DPYSL5: variants seen among roughly 807,000 people sequenced by gnomAD.
DPYSL5 encodes the protein dihydropyrimidinase like 5.
In DPYSL5, 9 loss-of-function variants were observed where a neutral mutation model predicts 58.4. That is an observed-to-expected ratio of 0.15 (90% CI 0.09 to 0.27). The LOEUF (loss-of-function observed/expected upper bound fraction) is 0.27, where lower values mean the gene tolerates loss of function less well. DPYSL5 is among the 10% of genes least tolerant of loss of function. The probability of loss-of-function intolerance (pLI) is 1.00; values close to 1 mark genes in which losing one functional copy is unlikely to be tolerated. For synonymous variants in DPYSL5, 293 were observed against 301.9 expected (o/e 0.97, Z 0.31); for missense variants, 499 against 770.6 (o/e 0.65, Z 4.17).
intron 2 of DPYSL5, among the ~76,000 whole-genome samples, chr2:26,909,900 A>T (rs1366081631): frequency 6.6e-6 from 1 of 152,238 alleles, no homozygotes; most frequent in Non-Finnish European, 1.5e-5. Flanking sequence ...ATGTTTGATA[A>T]GCTGCACATT....
rs190899438 is a variant in DPYSL5 at position 26,917,452 on chromosome 2, G to A, written c.262-7435G>A. On this transcript the variant is annotated intron_variant, in intron 2 of 12. Transcript: ENST00000288699. The stretch of plus-strand genomic sequence containing the variant: ...CCAGAGGGACAGAGAGTGGGGCCTC[G>A]GAGAACAAATCATGCATCTCTCGGA... Among the ~76,000 whole-genome samples, 118 of 152,228 alleles carry A rather than the reference G, an allele frequency of 7.8e-4. 3 individuals carry two copies. In the East Asian group the frequency reaches 0.019, roughly 25 times the overall value.
At chr2:26,904,941 G>A (rs553837851) in intron 2 of DPYSL5, among the ~76,000 whole-genome samples, 2 of 152,234 alleles carry the variant, frequency 1.3e-5, no homozygotes, top group South Asian at 4.1e-4. Flanking sequence ...GGTTGCATGA[G>A]TAGCCCACAT....
intron 1 of DPYSL5, among the ~76,000 whole-genome samples, chr2:26,875,323 G>T (rs1488513778): frequency 1.3e-5 from 2 of 152,214 alleles, no homozygotes; most frequent in Non-Finnish European, 2.9e-5. Context: ...GGCATGTGGG[G>T]TGAAAACAGG....
At chr2:26,945,281 C>T (rs945742721) in intron 12 of DPYSL5, among the ~76,000 whole-genome samples, 8 of 150,800 alleles carry the variant, frequency 5.3e-5, no homozygotes, top group African/African-American at 2.0e-4. Context: ...CACCTTTCCC[C>T]GCCTTTGCCT....
intron 1 of DPYSL5, among the ~76,000 whole-genome samples, chr2:26,876,818 G>A (rs548388796): frequency 3.1e-4 from 46 of 150,012 alleles, no homozygotes; most frequent in African/African-American, 1.1e-3. Flanking sequence ...GCCCGGCCAT[G>A]ATGTCCAGAT....
chr2:26,902,415 C>G (rs1243319422), intron 2 of DPYSL5, among the ~76,000 whole-genome samples: 1 of 152,076 alleles, frequency 6.6e-6, no homozygotes, highest in Non-Finnish European at 1.5e-5. Flanking sequence ...AAACTACAAG[C>G]ATTCATAAGC....
In DPYSL5 at chr2:26,940,153, T is replaced by C. The variant is rs766238357; in HGVS notation, c.1070T>C (p.Val357Ala). Residue 357 changes from valine (V) to alanine (A), a missense_variant, in exon 9 of 13, where the codon GTC (valine) becomes GCC (alanine). By Grantham distance (64) the Val-to-Ala change is moderately conservative (BLOSUM62 0). Transcript: ENST00000288699. Reference sequence around the variant, plus strand: ...AGTGGCGTGCAGGACCGCATGAGCGTCATCTGGGAGAGAGGAGTGGTATGT... The same window carrying C: ...AGTGGCGTGCAGGACCGCATGAGCGCCATCTGGGAGAGAGGAGTGGTATGT... ...GVSGVQDRMSVIWERGVVGGK... is the reference protein window; with the variant it reads ...GVSGVQDRMSAIWERGVVGGK... 21 of 1,614,092 alleles carry C rather than the reference T, an allele frequency of 1.3e-5. No individual in the cohort carries two copies. Among genetic ancestry groups the C allele is most frequent in the Non-Finnish European group, 1.7e-5 (20 of 1,180,020 alleles).
At chr2:26,855,092 A>G (rs1280141939) in intron 1 of DPYSL5, among the ~76,000 whole-genome samples, 1 of 151,662 alleles carries the variant, frequency 6.6e-6, no homozygotes, top group South Asian at 2.1e-4. Flanking sequence ...TGCTGGGATC[A>G]CAGGCGTGAG....
At position 26,929,301 on chromosome 2, in the gene DPYSL5, C is replaced by T. The variant is rs893714835; in HGVS notation, c.669+978C>T. 4.5e-4 allele frequency among the ~76,000 whole-genome samples: 68 copies of T among 152,108 alleles called. 3 individuals carry two copies. Among genetic ancestry groups the T allele is most frequent in the Non-Finnish European group, 1.8e-4 (12 of 68,010 alleles). ...AGGCTGTAGTGCAATGGCGCAATCT[C>T]GGCTCACTGCAACCTCTGCATCCCG... On this transcript the variant is annotated intron_variant, in intron 5 of 12. Transcript: ENST00000288699.
At position 26,934,774 on chromosome 2, in the gene DPYSL5, C is replaced by G; in HGVS notation, c.947+40C>G. On this transcript the variant is annotated intron_variant, in intron 8 of 12. Transcript: ENST00000288699. The surrounding 1 kb of genome is among the most constrained non-coding windows in gnomAD (Gnocchi z 4.3). ...CAGCACATTGCAGGGATGTGTACAT[C>G]TTTAGGAAGACGTCATAGAGGGCCC... 6.2e-7 allele frequency: 1 copy of G among 1,607,468 alleles called. No individual in the cohort carries two copies. Among genetic ancestry groups the G allele is most frequent in the Non-Finnish European group, 8.5e-7 (1 of 1,175,988 alleles).
rs1558357075 is a variant in DPYSL5 at position 26,942,745 on chromosome 2, G to C, written c.1435G>C (p.Glu479Gln). The C allele has an allele frequency of 1.2e-6, 2 of 1,613,552 alleles. No homozygotes were observed. The highest frequency in any genetic ancestry group is 1.7e-6 in the Non-Finnish European group (2 of 1,179,606). ...DTVYKKLVQREKTLKVRGVDR... is the reference protein window; with the variant it reads ...DTVYKKLVQRQKTLKVRGVDR... ...TGTCTACAAGAAGCTGGTCCAGAGAGAGAAGGTGAGGTGGGAGGAGGAAGA... is the reference window on the plus strand; with the variant it reads ...TGTCTACAAGAAGCTGGTCCAGAGACAGAAGGTGAGGTGGGAGGAGGAAGA... The change falls in exon 11 of 13, where the codon GAG (glutamate) becomes CAG (glutamine). Residue 479 changes from glutamate (E) to glutamine (Q), a missense_variant. Around this residue, in one of 3 missense-constraint regions of DPYSL5, gnomAD observed 62 missense variants for 59.2 expected, o/e 1.05. Transcript: ENST00000288699. This position sits in a 1 kb window ranked among gnomAD's most constrained non-coding sequence, Gnocchi z 5.9.
At chr2:26,928,842 A>C (rs932566568) in intron 5 of DPYSL5, among the ~76,000 whole-genome samples, 2 of 151,088 alleles carry the variant, frequency 1.3e-5, no homozygotes, top group Non-Finnish European at 3.0e-5. Context: ...TAGGGGAGAC[A>C]ATGTCAGCAC....
chr2:26,945,621 G>A (rs1572725252), intron 12 of DPYSL5, among the ~76,000 whole-genome samples: 1 of 152,092 alleles, frequency 6.6e-6, no homozygotes, highest in South Asian at 2.1e-4. Context: ...GCTTAGGTGG[G>A]AACTGTCACC....
At chr2:26,895,122 A>C (rs1265724709) in intron 1 of DPYSL5, among the ~76,000 whole-genome samples, 1 of 152,238 alleles carries the variant, frequency 6.6e-6, no homozygotes, top group African/African-American at 2.4e-5. Context: ...AAGATCATGC[A>C]GTCTTGATTA....
rs1665091016 is a variant in DPYSL5 at position 26,933,538 on chromosome 2, C to CA, written c.790+208dup. On this transcript the variant is annotated intron_variant, in intron 7 of 12. Transcript: ENST00000288699. The surrounding 1 kb of genome is among the most constrained non-coding windows in gnomAD (Gnocchi z 4.2). ...GCTAGAACATGAGCTTTTTCTTCTG[C>CA]AAATTTGTATGCATAACAGCTTTAC... Among the ~76,000 whole-genome samples the CA allele has an allele frequency of 6.6e-6, 1 of 152,220 alleles. No homozygotes were observed. The highest frequency in any genetic ancestry group is 1.5e-5 in the Non-Finnish European group (1 of 68,032).
intron 12 of DPYSL5, 30 bp from the exon 13 acceptor site, chr2:26,946,880 G>T (rs771376756): frequency 1.3e-6 from 2 of 1,596,614 alleles, no homozygotes; most frequent in South Asian, 1.1e-5. Flanking sequence ...ACAAGAGCCC[G>T]TCTCACCCTC....
chr2:26,931,152 A>AT (rs1553320829), intron 5 of DPYSL5, among the ~76,000 whole-genome samples: 524 of 48,762 alleles, frequency 0.011, 6 homozygotes, highest in East Asian at 0.026. Flanking sequence ...AAAAAAAAAA[A>AT]ATATATATAT....
At chr2:26,916,520 C>A (rs530774031) in intron 2 of DPYSL5, among the ~76,000 whole-genome samples, 2 of 152,296 alleles carry the variant, frequency 1.3e-5, no homozygotes, top group South Asian at 4.1e-4. Flanking sequence ...CAAACTTTGC[C>A]GATGTGATGG....
chr2:26,903,963 T>C (rs1244340563), intron 2 of DPYSL5, among the ~76,000 whole-genome samples: 1 of 152,240 alleles, frequency 6.6e-6, no homozygotes, highest in Non-Finnish European at 1.5e-5. Context: ...AGACTCCCTC[T>C]TGTCTGTGCC....
Sources: gnomAD v4.1 joint callset for allele counts (sites outside exome capture counted in the v4.1 genomes callset) on GRCh38, gnomAD v4.1.1 for gene constraint, gnomAD v4.1.1 regional missense constraint, Gnocchi (gnomAD v3.1) non-coding constraint, MANE v1.5 for transcripts, NCBI Gene and HGNC (gene_info 2026-07-23, HGNC 2026-07-21) for gene names.